Variants in ARSB observed in about 807,000 individuals in gnomAD.
ARSB encodes the protein arylsulfatase B, also known as N-acetylgalactosamine-4-sulfatase.
ARSB carries 41 observed loss-of-function variants against 50.9 expected under a neutral mutation model. The observed-to-expected ratio is 0.81, with a 90% CI of 0.63 to 1.04. The LOEUF is 1.04. Among genes scored for constraint, ARSB ranks in the 50% least tolerant of loss-of-function variants. The pLI, the probability that ARSB is intolerant of heterozygous loss-of-function variation, is 0.00. For missense variants in ARSB, 672 were observed against 693.3 expected (o/e 0.97, Z 0.35); for synonymous variants, 269 against 284.8 (o/e 0.94, Z 0.56).
At chr5:78,920,224 T>A (rs1462770538) in intron 4 of ARSB, among the ~76,000 whole-genome samples, 3 of 152,168 alleles carry the variant, frequency 2.0e-5, no homozygotes, top group Non-Finnish European at 4.4e-5. Flanking sequence ...CATTTTAAAA[T>A]TTTGTACTTT....
intron 5 of ARSB, among the ~76,000 whole-genome samples, chr5:78,863,156 G>A (rs929486006): frequency 1.6e-4 from 25 of 152,202 alleles, no homozygotes; most frequent in African/African-American, 5.8e-4. Context: ...TACATTGCTG[G>A]TGGGAGTGTA....
intron 6 of ARSB, among the ~76,000 whole-genome samples, chr5:78,827,667 T>A (rs1170149348): frequency 6.6e-6 from 1 of 152,222 alleles, no homozygotes; most frequent in Non-Finnish European, 1.5e-5. Context: ...TTCCTCTTGG[T>A]TGAGGCACTT....
chr5:78,962,313 A>C (rs1267441660), intron 3 of ARSB, among the ~76,000 whole-genome samples: 5 of 152,230 alleles, frequency 3.3e-5, no homozygotes, highest in African/African-American at 1.2e-4. Context: ...CCAATTACCT[A>C]GCAACTATTT....
intron 3 of ARSB, among the ~76,000 whole-genome samples, chr5:78,958,406 G>A (rs1751830479): frequency 6.6e-6 from 1 of 152,192 alleles, no homozygotes; most frequent in South Asian, 2.1e-4. Flanking sequence ...TGGGAAGGCG[G>A]ACAGGGGAGT....
chr5:78,913,682 C>T (rs138376734), intron 4 of ARSB, among the ~76,000 whole-genome samples: 2,498 of 152,226 alleles, frequency 0.016, 40 homozygotes, highest in East Asian at 0.041. Context: ...AATCCACAGA[C>T]CTGCCAGCTT....
chr5:78,836,935 C>T (rs187216666), intron 6 of ARSB, among the ~76,000 whole-genome samples: 64 of 152,128 alleles, frequency 4.2e-4, no homozygotes, highest in East Asian at 3.3e-3. Context: ...AGGAAGAGAG[C>T]GAAGGGGGAG....
chr5:78,937,265 A>T (rs1750646543), intron 4 of ARSB, among the ~76,000 whole-genome samples: 1 of 146,908 alleles, frequency 6.8e-6, no homozygotes, highest in Non-Finnish European at 1.5e-5. Flanking sequence ...ATATATATAT[A>T]TCTTACATAT....
At chr5:78,949,281 C>T (rs1434910785) in intron 4 of ARSB, among the ~76,000 whole-genome samples, 1 of 152,176 alleles carries the variant, frequency 6.6e-6, no homozygotes, top group Non-Finnish European at 1.5e-5. Flanking sequence ...CAAATATAAT[C>T]CAACACCAGG....
chr5:78,851,185 T>C (rs1055932097), intron 5 of ARSB, among the ~76,000 whole-genome samples: 5 of 152,248 alleles, frequency 3.3e-5, no homozygotes, highest in Non-Finnish European at 7.3e-5. Context: ...CTGCTTTCTC[T>C]TGTGGGCATT....
chr5:78,788,975 T>G (rs984005546), intron 6 of ARSB, among the ~76,000 whole-genome samples: 5 of 152,140 alleles, frequency 3.3e-5, no homozygotes, highest in African/African-American at 1.2e-4. Flanking sequence ...ATATATATAG[T>G]TTGAAATACA....
chr5:78,815,918 T>C (rs1295793031), intron 6 of ARSB: 1 of 1,498,752 alleles, frequency 6.7e-7, no homozygotes, highest in Non-Finnish European at 8.8e-7. Context: ...TGGGGCCCCT[T>C]CTTTCTTGGA....
At chr5:78,783,150 C>T (rs1748973288) in intron 6 of ARSB, among the ~76,000 whole-genome samples, 1 of 152,134 alleles carries the variant, frequency 6.6e-6, no homozygotes, top group African/African-American at 2.4e-5. Context: ...CAAATATGGT[C>T]ACAGCAATCA....
chr5:78,892,119 T>C (rs1748325187), intron 4 of ARSB, among the ~76,000 whole-genome samples: 1 of 152,098 alleles, frequency 6.6e-6, no homozygotes, highest in East Asian at 1.9e-4. Context: ...CAGAACAGAA[T>C]AGGCTCCTAT....
intron 1 of ARSB, among the ~76,000 whole-genome samples, chr5:78,970,469 G>C (rs1446501696): frequency 6.6e-6 from 1 of 152,070 alleles, no homozygotes; most frequent in Non-Finnish European, 1.5e-5. Context: ...GGCAAATTTT[G>C]AATGGTAACA....
At chr5:78,922,073 G>A (rs1194168320) in intron 4 of ARSB, among the ~76,000 whole-genome samples, 1 of 152,142 alleles carries the variant, frequency 6.6e-6, no homozygotes, top group Non-Finnish European at 1.5e-5. Flanking sequence ...CGAAGTTCCA[G>A]CAAGGCTCAC....
chr5:78,834,159 A>C (rs1428710306), intron 6 of ARSB, among the ~76,000 whole-genome samples: 1 of 152,224 alleles, frequency 6.6e-6, no homozygotes, highest in African/African-American at 2.4e-5. Context: ...TGCATATGGC[A>C]GTAAATGAAA....
At chr5:78,932,233 G>A (rs1300618339) in intron 4 of ARSB, among the ~76,000 whole-genome samples, 1 of 152,198 alleles carries the variant, frequency 6.6e-6, no homozygotes, top group Admixed American at 6.5e-5. Context: ...ATTCCCAGGG[G>A]TATTATGTCA....
intron 5 of ARSB, among the ~76,000 whole-genome samples, chr5:78,876,518 T>C (rs1747489644): frequency 6.6e-6 from 1 of 151,308 alleles, no homozygotes; most frequent in Non-Finnish European, 1.5e-5. Flanking sequence ...AGCAGGTGAG[T>C]TTTTAATCAT....
chr5:78,824,868 G>C (rs879715908), intron 6 of ARSB, among the ~76,000 whole-genome samples: 3 of 152,130 alleles, frequency 2.0e-5, no homozygotes, highest in Non-Finnish European at 4.4e-5. Context: ...GAAGATGGCT[G>C]GTTTAAAAGC....
Sources: allele counts gnomAD v4.1 joint callset (sites outside exome capture counted in the v4.1 genomes callset), GRCh38; gene constraint gnomAD v4.1.1; transcripts MANE v1.5; gene names NCBI Gene and HGNC (gene_info 2026-07-23, HGNC 2026-07-21).